Variants in PDE8B observed in about 807,000 individuals in gnomAD.
The protein encoded by PDE8B is high affinity cAMP-specific and IBMX-insensitive 3',5'-cyclic phosphodiesterase 8B.
In PDE8B, 26 loss-of-function variants were observed where a neutral mutation model predicts 101.3. That is an observed-to-expected ratio of 0.26 (90% CI 0.19 to 0.36). The LOEUF is 0.36. Ranked by LOEUF, PDE8B falls within the 10% of genes least tolerant of loss-of-function variation. The pLI is 1.00. For missense variants in PDE8B, 810 were observed against 1,163.1 expected, an observed-to-expected ratio of 0.70 and a Z score of 4.42; for synonymous variants, 424 against 429.3, an observed-to-expected ratio of 0.99 and a Z score of 0.15.
the PDE8B span, chr5:77,112,464 G>A: frequency 6.6e-6 from 1 of 151,974 alleles, no homozygotes; most frequent in Non-Finnish European, 1.5e-5. Context: ...GTCTGTCTGG[G>A]CACCTAGTTA....
intron 1 of PDE8B, among the ~76,000 whole-genome samples, chr5:77,254,671 A>G (rs1378113039): frequency 6.6e-6 from 1 of 152,194 alleles, no homozygotes; most frequent in Non-Finnish European, 1.5e-5. Context: ...TTAACTTGAA[A>G]TGAAAAGAAT....
chr5:77,315,387 T>G (rs1773590338), intron 2 of PDE8B, among the ~76,000 whole-genome samples: 1 of 152,216 alleles, frequency 6.6e-6, no homozygotes, highest in Non-Finnish European at 1.5e-5. Flanking sequence ...TGTCTGATTG[T>G]TTCCAGCTCC....
chr5:77,286,616 A>T (rs2149894580), intron 1 of PDE8B, among the ~76,000 whole-genome samples: 2 of 152,306 alleles, frequency 1.3e-5, no homozygotes, highest in African/African-American at 4.8e-5. Flanking sequence ...TGTTGTTGTT[A>T]TCAGTGAGAG....
chr5:77,387,089 T>G (rs1788857058), intron 10 of PDE8B, among the ~76,000 whole-genome samples: 1 of 151,612 alleles, frequency 6.6e-6, no homozygotes, highest in African/African-American at 2.4e-5. Flanking sequence ...TTCACCTTGT[T>G]AGCCAGGATG....
At chr5:77,188,086 G>A in the PDE8B span, among the ~76,000 whole-genome samples, 1 of 152,060 alleles carries the variant, frequency 6.6e-6, no homozygotes, top group South Asian at 2.1e-4. Flanking sequence ...ATAAATTCAA[G>A]ACCATCTTTG....
chr5:77,141,147 G>T, the PDE8B span: 1 of 152,030 alleles, frequency 6.6e-6, no homozygotes, highest in Non-Finnish European at 1.5e-5. Flanking sequence ...TAAATTTTGG[G>T]AATTGGTATA....
intron 1 of PDE8B, among the ~76,000 whole-genome samples, chr5:77,262,031 A>G (rs1017908378): frequency 6.6e-6 from 1 of 152,162 alleles, no homozygotes; most frequent in Non-Finnish European, 1.5e-5. Context: ...AATTTTTTTA[A>G]TGAGGATACT....
At chr5:77,423,040 T>G (rs1458364855) in intron 20 of PDE8B, among the ~76,000 whole-genome samples, 1 of 152,232 alleles carries the variant, frequency 6.6e-6, no homozygotes, top group Non-Finnish European at 1.5e-5. Context: ...GTCTCCAGTG[T>G]CTACTGTTCC....
intron 1 of PDE8B, among the ~76,000 whole-genome samples, chr5:77,267,308 C>T (rs755896546): frequency 7.2e-5 from 11 of 151,918 alleles, no homozygotes; most frequent in Non-Finnish European, 1.2e-4. Context: ...TGTATGGTGG[C>T]GGGCACCTGT....
the PDE8B span, among the ~76,000 whole-genome samples, chr5:77,121,359 AGAGT>A: frequency 6.6e-6 from 1 of 152,180 alleles, no homozygotes; most frequent in African/African-American, 2.4e-5. Flanking sequence ...GGCATCCCCC[AGAGT>A]GAGTGATTAT....
intron 6 of PDE8B, among the ~76,000 whole-genome samples, chr5:77,343,062 A>G (rs1384106013): frequency 6.6e-6 from 1 of 152,262 alleles, no homozygotes; most frequent in Non-Finnish European, 1.5e-5. Context: ...AGTTTCATTC[A>G]GCACACACAT....
At chr5:77,165,505 G>C in the PDE8B span, 1 of 152,278 alleles carries the variant, frequency 6.6e-6, no homozygotes, top group African/African-American at 2.4e-5. Context: ...GGCATGGTAA[G>C]TGCCCTAAAA....
intron 5 of PDE8B, among the ~76,000 whole-genome samples, chr5:77,334,376 A>G (rs1439380436): frequency 2.6e-5 from 4 of 152,206 alleles, no homozygotes; most frequent in South Asian, 2.1e-4. Context: ...TGCTAATTCC[A>G]TGCTGAGCCT....
At chr5:77,419,506 G>A (rs188405491) in intron 18 of PDE8B, among the ~76,000 whole-genome samples, 6 of 152,300 alleles carry the variant, frequency 3.9e-5, no homozygotes, top group East Asian at 3.9e-4. Context: ...TCAGATAAAC[G>A]TCCACCATGT....
At chr5:77,422,213 G>A (rs984570829) in intron 20 of PDE8B, among the ~76,000 whole-genome samples, 2 of 152,204 alleles carry the variant, frequency 1.3e-5, no homozygotes, top group African/African-American at 4.8e-5. Flanking sequence ...GGGATAAACT[G>A]AGCCTTTGGA....
the PDE8B span, among the ~76,000 whole-genome samples, chr5:77,178,466 T>C: frequency 2.0e-5 from 3 of 152,186 alleles, no homozygotes; most frequent in Admixed American, 2.0e-4. Context: ...TGCTTTTCCT[T>C]GTCTACCCAG....
chr5:77,408,724 C>T (rs542675007), intron 13 of PDE8B, among the ~76,000 whole-genome samples, 169 bp from the exon 14 acceptor site: 2 of 152,124 alleles, frequency 1.3e-5, no homozygotes, highest in South Asian at 2.1e-4. Flanking sequence ...ACCAGGAGCC[C>T]GCAGGGAGAA....
the PDE8B span, among the ~76,000 whole-genome samples, chr5:77,093,686 A>G: frequency 6.6e-6 from 1 of 152,220 alleles, no homozygotes; most frequent in African/African-American, 2.4e-5. Flanking sequence ...GGTAATGCCA[A>G]CTACCTTCAG....
intron 1 of PDE8B, chr5:77,213,864 G>A (rs190557712): frequency 6.6e-6 from 1 of 152,284 alleles, no homozygotes; most frequent in Non-Finnish European, 1.5e-5. Context: ...AGAATGATGA[G>A]GCATTATGAT....
Sources: allele counts gnomAD v4.1 joint callset (sites outside exome capture counted in the v4.1 genomes callset), GRCh38; gene constraint gnomAD v4.1.1; transcripts MANE v1.5; gene names NCBI Gene and HGNC (gene_info 2026-07-23, HGNC 2026-07-21).